Variants in CDH10 observed in about 807,000 individuals in gnomAD.
The protein encoded by CDH10 is cadherin 10, also known as cadherin-10.
CDH10 carries 30 observed loss-of-function variants against 73.1 expected under a neutral mutation model. The ratio of observed to expected loss-of-function variants is 0.41; its 90% CI spans 0.31 to 0.56. CDH10 has a LOEUF of 0.56. CDH10 is among the 20% of genes least tolerant of loss of function. The pLI is 0.27. For missense variants in CDH10, 815 were observed against 973.7 expected (o/e 0.84, Z 2.17); for synonymous variants, 345 against 348.2 (o/e 0.99, Z 0.10).
In CDH10 at chr5:24,618,030, T is replaced by C. The variant is rs566480669; in HGVS notation, c.-123-24417A>G. Among the ~76,000 whole-genome samples, 6 of 152,314 alleles carry C rather than the reference T, an allele frequency of 3.9e-5. No homozygotes were observed. The South Asian group carries it at 8.3e-4, about 21-fold the overall frequency. ...CAATGGCTAAAAGGGTAGTTAACAC[T>C]CCTCAATTCAAGAGTGTCCAATTTC... is the stretch of plus-strand genomic sequence containing the variant. On this transcript the variant is annotated intron_variant, in intron 1 of 11. Coordinates refer to ENST00000264463, the MANE Select transcript of CDH10 (RefSeq NM_006727.5).
Position 24,593,527 on chromosome 5 carries a change from G to T in CDH10, c.-37C>A. On this transcript the variant is annotated 5_prime_UTR_variant, in exon 2 of 12. Transcript: ENST00000264463. ...TGACAAATCCCAGTGTAGATGAAGA[G>T]AAGTGGTCCTATTTTACCCAGTTGG... 1 of 1,181,778 alleles carries T rather than the reference G, an allele frequency of 8.5e-7. No individual in the cohort carries two copies. The highest frequency in any genetic ancestry group is 1.3e-6 in the Non-Finnish European group (1 of 790,714). The allele number at this position is 1,181,778 out of a possible 1,614,324, so 73.2% of individuals were successfully genotyped here. A position where few individuals can be genotyped will look rare whatever the true frequency, so the allele number is the denominator to read the frequency against.
rs981667365 is a variant in CDH10 at position 24,601,343 on chromosome 5, T to C, written c.-123-7730A>G. On this transcript the variant is annotated intron_variant, in intron 1 of 11. Coordinates refer to ENST00000264463, the MANE Select transcript of CDH10 (RefSeq NM_006727.5). ...GCTCAGTCTCAAACAGTTAGTGTCA[T>C]AACCAGAAATATAACTTGGGTCACC... is the stretch of plus-strand genomic sequence containing the variant. 5.9e-5 allele frequency among the ~76,000 whole-genome samples: 9 copies of C among 152,324 alleles called. No homozygotes were observed. The South Asian group carries it at 1.7e-3, about 28-fold the overall frequency.
At chr5:24,599,154 C>T (rs531473142) in intron 1 of CDH10, among the ~76,000 whole-genome samples, 1 of 152,240 alleles carries the variant, frequency 6.6e-6, no homozygotes, top group South Asian at 2.1e-4. Context: ...GACATTGCAC[C>T]TGCTGCCTCC....
intron 1 of CDH10, among the ~76,000 whole-genome samples, chr5:24,603,745 G>A (rs1218715988): frequency 4.0e-5 from 6 of 151,724 alleles, no homozygotes; most frequent in South Asian, 2.1e-4. Context: ...CGTTTCCCCC[G>A]TATATTCCGG....
In CDH10 at chr5:24,519,375, A is replaced by C. The variant is rs546740567; in HGVS notation, c.815-7861T>G. ...CAAAATTTAAAAAGGTTGATAAATC[A>C]GTCTATACTCAAACTAAAACCTTCT... is the stretch of plus-strand genomic sequence containing the variant. On this transcript the variant is annotated intron_variant, in intron 5 of 11. Transcript: ENST00000264463. Among the ~76,000 whole-genome samples the C allele has an allele frequency of 1.3e-3, 192 of 152,334 alleles. 1 individual carries two copies. The highest frequency in any genetic ancestry group is 2.4e-3 in the Non-Finnish European group (162 of 68,026).
intron 1 of CDH10, among the ~76,000 whole-genome samples, chr5:24,623,138 G>C (rs962530184): frequency 1.3e-5 from 2 of 152,120 alleles, no homozygotes; most frequent in African/African-American, 4.8e-5. Context: ...CTGGGAACTA[G>C]AGCTACTGGA....
At chr5:24,517,428 T>C (rs976057214) in intron 5 of CDH10, among the ~76,000 whole-genome samples, 1 of 152,106 alleles carries the variant, frequency 6.6e-6, no homozygotes, top group African/African-American at 2.4e-5. Flanking sequence ...GATTTCTTCT[T>C]GAGAACAAAA....
At chr5:24,642,173 T>C (rs1022514053) in intron 1 of CDH10, among the ~76,000 whole-genome samples, 2 of 152,142 alleles carry the variant, frequency 1.3e-5, no homozygotes, top group Non-Finnish European at 2.9e-5. Context: ...TTCACTTTGC[T>C]GCTGATTCAG....
intron 9 of CDH10, among the ~76,000 whole-genome samples, chr5:24,493,935 A>G (rs1053269772): frequency 3.3e-5 from 5 of 151,938 alleles, no homozygotes; most frequent in African/African-American, 1.2e-4. Flanking sequence ...GAAATAAAGA[A>G]ATTATTACAA....
intron 1 of CDH10, among the ~76,000 whole-genome samples, chr5:24,628,827 C>A (rs530024561): frequency 1.4e-5 from 2 of 145,796 alleles, no homozygotes; most frequent in African/African-American, 2.5e-5. Flanking sequence ...CCGCCCCCCC[C>A]ACCCCGCTCC....
rs555515246 is a variant in CDH10, at chr5:24,598,225, C to T, written c.-123-4612G>A. ...GTGAGATAATTGAATCAAAGCATTACACTAAGGACTCAAATAATATGAGTC... is the reference window on the plus strand; with the variant it reads ...GTGAGATAATTGAATCAAAGCATTATACTAAGGACTCAAATAATATGAGTC... On this transcript the variant is annotated intron_variant, in intron 1 of 11. Coordinates refer to ENST00000264463, the MANE Select transcript of CDH10 (RefSeq NM_006727.5). Among the ~76,000 whole-genome samples the T allele has an allele frequency of 2.0e-5, 3 of 152,008 alleles. No individual in the cohort carries two copies. In the East Asian group the frequency reaches 5.8e-4, roughly 29 times the overall value.
chr5:24,495,715 T>A (rs145184053), intron 9 of CDH10, among the ~76,000 whole-genome samples: 1 of 151,830 alleles, frequency 6.6e-6, no homozygotes, highest in African/African-American at 2.4e-5. Context: ...GGCGTGGTGG[T>A]GCGCACCTGC....
At chr5:24,630,551 A>T (rs1205588543) in intron 1 of CDH10, among the ~76,000 whole-genome samples, 1 of 30,268 alleles carries the variant, frequency 3.3e-5, no homozygotes, top group African/African-American at 4.3e-5. Flanking sequence ...AGATCATCTT[A>T]AAAAAAAAAA....
intron 1 of CDH10, among the ~76,000 whole-genome samples, chr5:24,600,898 C>G (rs1746538335): frequency 6.6e-6 from 1 of 151,990 alleles, no homozygotes; most frequent in Non-Finnish European, 1.5e-5. Flanking sequence ...TTCAAAGCAG[C>G]TAATCCTTTA....
chr5:24,536,586 T>A (rs1422291433), intron 3 of CDH10, among the ~76,000 whole-genome samples: 1 of 152,090 alleles, frequency 6.6e-6, no homozygotes, highest in African/African-American at 2.4e-5. Flanking sequence ...TTATCACTGT[T>A]CTCTGATGCT....
chr5:24,628,173 C>A (rs971198244), intron 1 of CDH10, among the ~76,000 whole-genome samples: 6 of 152,146 alleles, frequency 3.9e-5, no homozygotes, highest in African/African-American at 1.4e-4. Context: ...ATGATTTAAA[C>A]AAAACTATCT....
chr5:24,623,754 A>T (rs2112174799), intron 1 of CDH10, among the ~76,000 whole-genome samples: 1 of 152,290 alleles, frequency 6.6e-6, no homozygotes, highest in African/African-American at 2.4e-5. Flanking sequence ...GCTGAATTCC[A>T]AATGCAATTG....
chr5:24,521,336 G>A (rs985646752), intron 5 of CDH10, among the ~76,000 whole-genome samples: 1 of 152,116 alleles, frequency 6.6e-6, no homozygotes, highest in African/African-American at 2.4e-5. Context: ...CCTGAGGTCA[G>A]GAGTTCAAGA....
At chr5:24,564,037 T>C (rs1253639081) in intron 2 of CDH10, among the ~76,000 whole-genome samples, 2 of 152,192 alleles carry the variant, frequency 1.3e-5, no homozygotes, top group South Asian at 2.1e-4. Context: ...GTTTATCTTG[T>C]ACATACAGTG....
Sources: gnomAD v4.1 joint callset for allele counts (sites outside exome capture counted in the v4.1 genomes callset) on GRCh38, gnomAD v4.1.1 for gene constraint, MANE v1.5 for transcripts, NCBI Gene and HGNC (gene_info 2026-07-23, HGNC 2026-07-21) for gene names.